Variants in RCCD1 observed in about 807,000 individuals in gnomAD.
RCCD1 encodes RCC1 domain-containing protein 1.
A neutral mutation model predicts 37.6 loss-of-function variants in RCCD1; 40 were observed. That is an observed-to-expected ratio of 1.06 (90% CI 0.83 to 1.39). RCCD1 has a LOEUF of 1.39. Ranked by LOEUF, RCCD1 falls within the 40% of genes most tolerant of loss-of-function variation. The probability of loss-of-function intolerance (pLI) is 0.00; values close to 1 mark genes in which losing one functional copy is unlikely to be tolerated. For missense variants in RCCD1, 577 were observed against 517.3 expected, an observed-to-expected ratio of 1.12 and a Z score of -1.12; for synonymous variants, 263 against 230.0, an observed-to-expected ratio of 1.14 and a Z score of -1.30.
In RCCD1 at chr15:90,961,766, C is replaced by A; in HGVS notation, c.1128C>A (p.Ser376Arg). 1 of 1,613,266 alleles carries A rather than the reference C, an allele frequency of 6.2e-7. No homozygotes were observed. Among genetic ancestry groups the A allele is most frequent in the South Asian group, 1.1e-5 (1 of 91,036 alleles). ...TYVYAVEKGK[S>R] Reference sequence around the variant, plus strand: ...TGTATGCTGTGGAGAAAGGGAAGAGCTGACATGTGTACGTATATGTATATG... The same window carrying A: ...TGTATGCTGTGGAGAAAGGGAAGAGATGACATGTGTACGTATATGTATATG... The change falls in exon 8 of 8, where the codon AGC becomes AGA. Residue 376 changes from serine to arginine, a missense_variant. Physicochemically the swap from Ser to Arg is moderately radical, Grantham distance 110. Transcript: ENST00000394258.
At chr15:90,958,798 G>A (rs982396354) in intron 4 of RCCD1, among the ~76,000 whole-genome samples, 58 of 151,666 alleles carry the variant, frequency 3.8e-4, no homozygotes, top group African/African-American at 1.4e-3. Flanking sequence ...TGGGCGTGGC[G>A]GCTCGTGCCT....
At position 90,962,201 on chromosome 15, in the gene RCCD1, G is replaced by T; in HGVS notation, c.*432G>T. ...GACATAGTTGTGTTTGCTTTTGAGT[G>T]TTAGATAAATGGAATCCTGTGTATG... is the stretch of plus-strand genomic sequence containing the variant. On this transcript the variant is annotated 3_prime_UTR_variant, in exon 8 of 8. Coordinates refer to ENST00000394258, the MANE Select transcript of RCCD1 (RefSeq NM_001017919.2). The T allele has an allele frequency of 6.4e-6, 1 of 156,234 alleles. No individual in the cohort carries two copies. Among genetic ancestry groups the T allele is most frequent in the Admixed American group, 6.2e-5 (1 of 16,236 alleles). 9.7% of individuals were successfully genotyped at this position (156,234 alleles called of 1,614,324 possible). A position where few individuals can be genotyped will look rare whatever the true frequency, so the allele number is the denominator to read the frequency against.
rs2037232080 is a variant in RCCD1, at chr15:90,957,720, TGA to T, written c.676_677del (p.Ser226Ter). ...GCGGGGGGCTGGCATTCTGTGTGTG[TGA>T]GTGGTGAGTGACTTAGTGCTTCTCC... On this transcript the variant is annotated frameshift_variant, in exon 4 of 8. Transcript: ENST00000394258. LOFTEE classifies it high-confidence loss of function. The T allele has an allele frequency of 6.8e-6, 11 of 1,605,842 alleles. No homozygotes were observed. Among genetic ancestry groups the T allele is most frequent in the Non-Finnish European group, 9.4e-6 (11 of 1,175,502 alleles).
Position 90,957,109 on chromosome 15 carries a change from G to A in RCCD1, c.167-4G>A. The A allele has an allele frequency of 2.2e-6, 3 of 1,341,086 alleles. No homozygotes were observed. Among genetic ancestry groups the A allele is most frequent in the Non-Finnish European group, 2.9e-6 (3 of 1,051,598 alleles). 83.1% of individuals were successfully genotyped at this position (1,341,086 alleles called of 1,614,324 possible). ...TGGCCACCCTGCTCCAATCCGCCCC[G>A]CAGGTGGAGGCCGCTTGGAGCTGTC... On this transcript the variant is annotated splice_region_variant and splice_polypyrimidine_tract_variant and intron_variant, in intron 2 of 7. Transcript: ENST00000394258.
At chr15:90,957,012 A>T in intron 2 of RCCD1, 101 bp from the exon 3 acceptor site, 2 of 1,285,884 alleles carry the variant, frequency 1.6e-6, no homozygotes, top group Non-Finnish European at 2.0e-6. Context: ...CCAGCCCCAC[A>T]TTCTGGGTTG....
At position 90,957,274 on chromosome 15, in the gene RCCD1, T is replaced by C. The variant is rs770307404; in HGVS notation, c.328T>C (p.Leu110=). 27 of 1,511,192 alleles carry C rather than the reference T, an allele frequency of 1.8e-5. No homozygotes were observed. The highest frequency in any genetic ancestry group is 2.5e-5 in the East Asian group (1 of 39,716). 93.6% of individuals were successfully genotyped at this position (1,511,192 alleles called of 1,614,324 possible). A position where few individuals can be genotyped will look rare whatever the true frequency, so the allele number is the denominator to read the frequency against. The change falls in exon 3 of 8, where the codon TTG becomes CTG. Residue 110 remains leucine, a synonymous_variant. Transcript: ENST00000394258. ...AAESALRGEP[L]WAQNVVPEAE... ...CGAATCGGCGCTGCGTGGGGAGCCA[T>C]TGTGGGCCCAGAATGTGGTGCCCGA... is the stretch of plus-strand genomic sequence containing the variant.
chr15:90,960,759 C>A, intron 6 of RCCD1: 1 of 612,406 alleles, frequency 1.6e-6, no homozygotes, highest in Admixed American at 2.8e-5. Flanking sequence ...CCCGCCGCCG[C>A]CTCTGACAGC....
At position 90,961,877 on chromosome 15, in the gene RCCD1, C is replaced by A. The variant is rs370956751; in HGVS notation, c.*108C>A. ...CATATTTGCCCCTCCCCATCACAGT[C>A]CTGCCCTTCACCCTCAAGCACGGTC... On this transcript the variant is annotated 3_prime_UTR_variant, in exon 8 of 8. Coordinates refer to ENST00000394258, the MANE Select transcript of RCCD1 (RefSeq NM_001017919.2). The A allele has an allele frequency of 8.8e-7, 1 of 1,130,624 alleles. No homozygotes were observed. Among genetic ancestry groups the A allele is most frequent in the Non-Finnish European group, 1.3e-6 (1 of 789,876 alleles). The allele number at this position is 1,130,624 out of a possible 1,614,324, so 70.0% of individuals were successfully genotyped here. A position where few individuals can be genotyped will look rare whatever the true frequency, so the allele number is the denominator to read the frequency against.
At chr15:90,958,031 G>A (rs2037238351) in intron 4 of RCCD1, among the ~76,000 whole-genome samples, 1 of 152,224 alleles carries the variant, frequency 6.6e-6, no homozygotes, top group Admixed American at 6.5e-5. Flanking sequence ...GGAGTATGGA[G>A]TGTGAGGGGG....
intron 6 of RCCD1, 160 bp from the exon 7 acceptor site, chr15:90,960,865 C>A: frequency 1.3e-6 from 1 of 757,682 alleles, no homozygotes; most frequent in Non-Finnish European, 2.4e-6. Flanking sequence ...TCTGCCATGC[C>A]ACGTGTGATC....
Position 90,956,837 on chromosome 15 carries a change from C to T in RCCD1, c.103C>T (p.Leu35=). The T allele has an allele frequency of 7.7e-7, 1 of 1,298,266 alleles. No homozygotes were observed. The highest frequency in any genetic ancestry group is 9.8e-7 in the Non-Finnish European group (1 of 1,023,176). 80.4% of individuals were successfully genotyped at this position (1,298,266 alleles called of 1,614,324 possible). The change falls in exon 2 of 8, where the codon CTG becomes TTG. Residue 35 remains leucine (L), a synonymous_variant. Transcript: ENST00000394258. ...GCGCCAGGTGCACAGCCCCAGTCCG[C>T]TGCGGGCGGGCGTCGACATCTGCCG... ...RGRQVHSPSP[L]RAGVDICRVS...
At chr15:90,959,603 A>G (rs1421849607) in intron 4 of RCCD1, 1 of 207,254 alleles carries the variant, frequency 4.8e-6, no homozygotes, top group African/African-American at 2.3e-5. Context: ...AGTGGTTTTG[A>G]AAGGGAGACC....
intron 5 of RCCD1, 55 bp from the exon 6 acceptor site, chr15:90,960,273 A>G (rs1308814246): frequency 1.3e-6 from 2 of 1,519,510 alleles, no homozygotes; most frequent in African/African-American, 1.4e-5. Flanking sequence ...GACTGCATGA[A>G]TAAGATTTAG....
chr15:90,957,241 T>A lies in RCCD1; in HGVS notation c.295T>A (p.Trp99Arg). ...GGGGCCGGAGGCGTTACTGCAGGTC[T>A]GGGCGGCCGAATCGGCGCTGCGTGG... ...GPGPEALLQVWAAESALRGEP... is the reference protein window; with the variant it reads ...GPGPEALLQVRAAESALRGEP... Residue 99 changes from tryptophan to arginine, a missense_variant, in exon 3 of 8, where the codon TGG becomes AGG. Trp to Arg is a moderately radical substitution (Grantham distance 101). Transcript: ENST00000394258. 1 of 1,463,912 alleles carries A rather than the reference T, an allele frequency of 6.8e-7. No homozygotes were observed. The highest frequency in any genetic ancestry group is 9.0e-7 in the Non-Finnish European group (1 of 1,105,310). 90.7% of individuals were successfully genotyped at this position (1,463,912 alleles called of 1,614,324 possible). A position where few individuals can be genotyped will look rare whatever the true frequency, so the allele number is the denominator to read the frequency against.
At chr15:90,960,025 C>G (rs749559134) in intron 5 of RCCD1, 27 bp downstream of exon 5, 7 of 1,561,374 alleles carry the variant, frequency 4.5e-6, no homozygotes, top group Non-Finnish European at 6.2e-6. Flanking sequence ...CTCCCACAGC[C>G]GTCTCCCCAG....
chr15:90,962,469 A>G lies in RCCD1; in HGVS notation c.*700A>G, dbSNP rs142051261. ...GAGTTGAATTGCTAAGTCAGGAGAT[A>G]CCTTTAATTTTACTAGATAACTGTT... On this transcript the variant is annotated 3_prime_UTR_variant, in exon 8 of 8. Coordinates refer to ENST00000394258, the MANE Select transcript of RCCD1 (RefSeq NM_001017919.2). 1.3e-5 allele frequency: 2 copies of G among 152,328 alleles called. No individual in the cohort carries two copies. The highest frequency in any genetic ancestry group is 2.9e-5 in the Non-Finnish European group (2 of 68,040). The allele number at this position is 152,328 out of a possible 1,614,324, so 9.4% of individuals were successfully genotyped here. A position where few individuals can be genotyped will look rare whatever the true frequency, so the allele number is the denominator to read the frequency against.
At chr15:90,957,572 G>A in intron 3 of RCCD1, 32 bp from the exon 4 acceptor site, 3 of 1,613,482 alleles carry the variant, frequency 1.9e-6, no homozygotes, top group Middle Eastern at 1.6e-4. Flanking sequence ...CCCTTAATGC[G>A]ACTGTAGCTG....
In RCCD1 at chr15:90,961,748, T is replaced by G; in HGVS notation, c.1110T>G (p.Ala370=). The G allele has an allele frequency of 6.2e-7, 1 of 1,613,920 alleles. No homozygotes were observed. Among genetic ancestry groups the G allele is most frequent in the Non-Finnish European group, 8.5e-7 (1 of 1,179,948 alleles). ...GGCCGTGGAACACCTACGTGTATGC[T>G]GTGGAGAAAGGGAAGAGCTGACATG... ...TCGPWNTYVY[A]VEKGKS The change falls in exon 8 of 8, where the codon GCT becomes GCG. Residue 370 remains alanine, a synonymous_variant. Transcript: ENST00000394258.
intron 1 of RCCD1, chr15:90,955,249 C>T (rs371311468): frequency 2.4e-4 from 37 of 152,302 alleles, no homozygotes; most frequent in African/African-American, 8.4e-4. Flanking sequence ...GCCGCCGCGC[C>T]CCGGGCGGCG....
Sources: allele counts gnomAD v4.1 joint callset (sites outside exome capture counted in the v4.1 genomes callset), GRCh38; gene constraint gnomAD v4.1.1; transcripts MANE v1.5; gene names NCBI Gene and HGNC (gene_info 2026-07-23, HGNC 2026-07-21).